DCDC1: variants seen among roughly 807,000 people sequenced by gnomAD.
DCDC1 encodes doublecortin domain containing 1, also known as doublecortin domain-containing protein 1.
DCDC1 carries 200 observed loss-of-function variants against 178.3 expected under a neutral mutation model. That is an observed-to-expected ratio of 1.12 (90% CI 1.00 to 1.26). The LOEUF is 1.26. Ranked by LOEUF, DCDC1 falls within the 50% of genes most tolerant of loss-of-function variation. DCDC1 has a pLI of 0.00. For missense variants in DCDC1, 1,983 were observed against 1,749.2 expected (o/e 1.13, Z -2.38); for synonymous variants, 690 against 604.8 (o/e 1.14, Z -2.07).
chr11:30,922,551 A>T lies in DCDC1; in HGVS notation c.3085T>A (p.Ser1029Thr). The change falls in exon 24 of 39, where the codon TCA becomes ACA. Residue 1029 changes from serine (S) to threonine (T), a missense_variant. Coordinates refer to ENST00000684477, the MANE Select transcript of DCDC1 (RefSeq NM_001387274.1). ...KKQIFLRNLE[S>T]DIAKIQIFCS... ...AAGATTTGAATTTTGGCAATGTCTG[A>T]TTCTAGGTTCCTCAGGAATATTTGT... 2 of 1,584,912 alleles carry T rather than the reference A, an allele frequency of 1.3e-6. No homozygotes were observed. The highest frequency in any genetic ancestry group is 1.7e-6 in the Non-Finnish European group (2 of 1,169,918).
intron 32 of DCDC1, among the ~76,000 whole-genome samples, chr11:30,901,110 CT>C: frequency 6.6e-6 from 1 of 152,234 alleles, no homozygotes; most frequent in East Asian, 1.9e-4. Flanking sequence ...CAATTTCCAG[CT>C]TCATATGGCC....
At chr11:31,137,868 A>T in intron 9 of DCDC1, 84 bp from the exon 10 acceptor site, 1 of 609,914 alleles carries the variant, frequency 1.6e-6, no homozygotes. Context: ...AGTTAAGCAT[A>T]ATCATGAATG....
intron 36 of DCDC1, among the ~76,000 whole-genome samples, chr11:30,892,531 G>A (rs1352417774): frequency 6.6e-6 from 1 of 152,022 alleles, no homozygotes; most frequent in Non-Finnish European, 1.5e-5. Flanking sequence ...TTATTTTAAA[G>A]TTTAGATTTT....
chr11:31,046,863 T>C (rs570142740), intron 20 of DCDC1, among the ~76,000 whole-genome samples: 1 of 152,306 alleles, frequency 6.6e-6, no homozygotes, highest in East Asian at 1.9e-4. Context: ...ATAAAAACTT[T>C]ACACGTTTAT....
In DCDC1 at chr11:30,915,533, AGC is replaced by A. The variant is rs779015663; in HGVS notation, c.3629_3630del (p.Arg1210LeufsTer15). ...TACCTGCTGTCTTCCTGGTGTATCC[AGC>A]GCTGATGACTACCATCAGATTTCTT... ...VEKKSDGSHQ[R>X]WIHQEDSRTF... On this transcript the variant is annotated frameshift_variant, in exon 27 of 39. Transcript: ENST00000684477. LOFTEE classifies it high-confidence loss of function. 90 of 1,613,832 alleles carry A rather than the reference AGC, an allele frequency of 5.6e-5. No homozygotes were observed. The highest frequency in any genetic ancestry group is 6.9e-5 in the Non-Finnish European group (82 of 1,179,860).
chr11:30,954,327 T>A (rs576652031), intron 20 of DCDC1, among the ~76,000 whole-genome samples: 36 of 152,270 alleles, frequency 2.4e-4, no homozygotes, highest in Admixed American at 5.2e-4. Flanking sequence ...AATACAACAA[T>A]TCTAATGAAT....
chr11:30,994,942 A>G (rs1408764004), intron 20 of DCDC1, among the ~76,000 whole-genome samples: 1 of 151,404 alleles, frequency 6.6e-6, no homozygotes, highest in African/African-American at 2.4e-5. Context: ...GGGGAGGAAT[A>G]AAAAGAAGAA....
intron 20 of DCDC1, among the ~76,000 whole-genome samples, chr11:31,056,604 G>C (rs1377020637): frequency 1.3e-5 from 2 of 151,966 alleles, no homozygotes. Flanking sequence ...AACAATGTAA[G>C]GCTTAATTGA....
intron 20 of DCDC1, among the ~76,000 whole-genome samples, chr11:30,977,866 G>A (rs779920713): frequency 6.6e-6 from 1 of 152,170 alleles, no homozygotes; most frequent in African/African-American, 2.4e-5. Flanking sequence ...GGAGGTCAAG[G>A]CTGAAATGAG....
rs1940799905 is a variant in DCDC1 at position 30,863,704 on chromosome 11, A to G, written c.*1669T>C. On this transcript the variant is annotated 3_prime_UTR_variant, in exon 39 of 39. Transcript: ENST00000684477. The stretch of plus-strand genomic sequence containing the variant: ...TTCATCTGACGCGTATTTAGAAATC[A>G]TCCATTTGAGAAGTCCAGATTACGT... 1 of 152,246 alleles carries G rather than the reference A, an allele frequency of 6.6e-6. No homozygotes were observed. Among genetic ancestry groups the G allele is most frequent in the Admixed American group, 6.5e-5 (1 of 15,290 alleles). 9.4% of individuals were successfully genotyped at this position (152,246 alleles called of 1,614,324 possible). A position where few individuals can be genotyped will look rare whatever the true frequency, so the allele number is the denominator to read the frequency against.
At chr11:31,323,038 T>C (rs946611676) in intron 3 of DCDC1, among the ~76,000 whole-genome samples, 10 of 152,160 alleles carry the variant, frequency 6.6e-5, no homozygotes, top group Non-Finnish European at 1.3e-4. Context: ...TTATCTGCTA[T>C]TTTCTAAAAA....
chr11:31,253,463 A>T (rs1317954684), intron 8 of DCDC1, among the ~76,000 whole-genome samples: 1 of 151,862 alleles, frequency 6.6e-6, no homozygotes, highest in Non-Finnish European at 1.5e-5. Flanking sequence ...TTTTTTTAAA[A>T]GTAAAAGACA....
chr11:31,006,706 A>G (rs1470267137), intron 20 of DCDC1, among the ~76,000 whole-genome samples: 3 of 152,338 alleles, frequency 2.0e-5, no homozygotes, highest in African/African-American at 7.2e-5. Flanking sequence ...AGCACCCAAT[A>G]AATATTCGCT....
At chr11:31,146,783 T>C (rs2136067359) in intron 9 of DCDC1, among the ~76,000 whole-genome samples, 1 of 152,316 alleles carries the variant, frequency 6.6e-6, no homozygotes, top group East Asian at 1.9e-4. Flanking sequence ...AACTGGTCTG[T>C]GACACTATCA....
chr11:31,106,764 A>G (rs1229866697), intron 13 of DCDC1, 33 bp downstream of exon 13: 2 of 762,270 alleles, frequency 2.6e-6, no homozygotes, highest in African/African-American at 1.7e-5. Flanking sequence ...CCCTGGAAAG[A>G]TTGAGGACAG....
chr11:31,201,608 TA>T (rs1971293189), intron 9 of DCDC1, among the ~76,000 whole-genome samples: 1 of 126,698 alleles, frequency 7.9e-6, no homozygotes, highest in African/African-American at 3.0e-5. Context: ...AACCATTAAA[TA>T]AAAATATATT....
chr11:31,353,341 T>G (rs1411926153), intron 1 of DCDC1, among the ~76,000 whole-genome samples: 1 of 152,236 alleles, frequency 6.6e-6, no homozygotes, highest in Non-Finnish European at 1.5e-5. Context: ...CATAGGACAT[T>G]TCTTTGGAAT....
intron 6 of DCDC1, among the ~76,000 whole-genome samples, chr11:31,302,558 C>T (rs1182633291): frequency 6.6e-6 from 1 of 152,056 alleles, no homozygotes; most frequent in African/African-American, 2.4e-5. Context: ...CTTTTCCATA[C>T]ACAATTAATA....
chr11:31,212,071 A>T (rs1304235941), intron 9 of DCDC1, among the ~76,000 whole-genome samples: 1 of 146,346 alleles, frequency 6.8e-6, no homozygotes, highest in Non-Finnish European at 1.5e-5. Flanking sequence ...CGACAGAGCG[A>T]GACTCAGTCT....
Sources: allele counts gnomAD v4.1 joint callset (sites outside exome capture counted in the v4.1 genomes callset), GRCh38; gene constraint gnomAD v4.1.1; transcripts MANE v1.5; gene names NCBI Gene and HGNC (gene_info 2026-07-23, HGNC 2026-07-21).